Variants in KCNT2 observed in about 807,000 individuals in gnomAD.
KCNT2 encodes the protein potassium channel subfamily T member 2.
A neutral mutation model predicts 153.8 loss-of-function variants in KCNT2; 67 were observed. That is an observed-to-expected ratio of 0.44 (90% CI 0.36 to 0.53). KCNT2 has a LOEUF of 0.53. Ranked by LOEUF, KCNT2 falls within the 20% of genes least tolerant of loss-of-function variation. The pLI is 0.00. For missense variants in KCNT2, 975 were observed against 1,354.8 expected (o/e 0.72, Z 4.40); for synonymous variants, 500 against 458.8 (o/e 1.09, Z -1.15).
intron 1 of KCNT2, among the ~76,000 whole-genome samples, chr1:196,607,280 C>T (rs1264898150): frequency 6.6e-6 from 1 of 152,090 alleles, no homozygotes; most frequent in Non-Finnish European, 1.5e-5. Context: ...GAGTTGAGAA[C>T]CTAGTTAGTA....
chr1:196,525,433 G>A (rs974265053), intron 1 of KCNT2, among the ~76,000 whole-genome samples: 1 of 152,072 alleles, frequency 6.6e-6, no homozygotes, highest in Admixed American at 6.6e-5. Context: ...TTCTGCTACT[G>A]TTACTAAGTG....
At chr1:196,304,704 G>A (rs531834695) in intron 22 of KCNT2, among the ~76,000 whole-genome samples, 1 of 152,270 alleles carries the variant, frequency 6.6e-6, no homozygotes, top group South Asian at 2.1e-4. Context: ...CAATTCCATT[G>A]TCTCTATTAG....
chr1:196,380,972 G>T (rs1361507282), intron 13 of KCNT2, among the ~76,000 whole-genome samples: 1 of 152,090 alleles, frequency 6.6e-6, no homozygotes, highest in East Asian at 1.9e-4. Flanking sequence ...CCACTAAATG[G>T]CTAAGAATAG....
intron 8 of KCNT2, among the ~76,000 whole-genome samples, chr1:196,433,852 T>C (rs935549577): frequency 6.6e-6 from 1 of 151,992 alleles, no homozygotes; most frequent in Non-Finnish European, 1.5e-5. Context: ...TTATGAATGG[T>C]TAGGTAGCTG....
chr1:196,476,265 C>T (rs572264995), intron 5 of KCNT2, among the ~76,000 whole-genome samples: 20 of 152,068 alleles, frequency 1.3e-4, no homozygotes, highest in African/African-American at 3.4e-4. Context: ...AACACACATG[C>T]CTAAATTTTA....
intron 25 of KCNT2, among the ~76,000 whole-genome samples, chr1:196,275,945 T>C (rs984883753): frequency 3.3e-5 from 5 of 152,016 alleles, no homozygotes; most frequent in African/African-American, 9.7e-5. Flanking sequence ...GAAAATGTTA[T>C]AGCTGGTTTA....
chr1:196,454,720 T>C (rs1362648213), intron 8 of KCNT2, among the ~76,000 whole-genome samples: 2 of 152,020 alleles, frequency 1.3e-5, no homozygotes, highest in African/African-American at 4.8e-5. Context: ...TGTTGATTGC[T>C]GCAGGAAAAA....
chr1:196,311,667 CT>C (rs1662196205), intron 21 of KCNT2, among the ~76,000 whole-genome samples: 2 of 151,852 alleles, frequency 1.3e-5, no homozygotes, highest in South Asian at 2.1e-4. Context: ...TCCAGAGAGA[CT>C]TTTTTTCCCC....
intron 1 of KCNT2, among the ~76,000 whole-genome samples, chr1:196,546,100 C>G (rs1657057556): frequency 6.6e-6 from 1 of 152,014 alleles, no homozygotes; most frequent in African/African-American, 2.4e-5. Context: ...GATCACTTTC[C>G]AAAGCAGCTT....
intron 1 of KCNT2, among the ~76,000 whole-genome samples, chr1:196,562,375 G>T (rs1326302784): frequency 6.6e-6 from 1 of 151,908 alleles, no homozygotes; most frequent in Non-Finnish European, 1.5e-5. Flanking sequence ...AGGAGGGTAT[G>T]TTGAGGCATG....
At chr1:196,330,905 A>AT (rs1274818442) in intron 18 of KCNT2, among the ~76,000 whole-genome samples, 2 of 151,900 alleles carry the variant, frequency 1.3e-5, no homozygotes, top group African/African-American at 4.8e-5. Context: ...TTGGTACCTT[A>AT]TTTTTCTCTT....
chr1:196,429,335 T>A (rs2148541659), intron 9 of KCNT2, among the ~76,000 whole-genome samples: 1 of 152,080 alleles, frequency 6.6e-6, no homozygotes, highest in South Asian at 2.1e-4. Context: ...AAATCTTGAA[T>A]GATTGAAATA....
intron 21 of KCNT2, among the ~76,000 whole-genome samples, chr1:196,305,896 T>C (rs962854888): frequency 6.6e-6 from 1 of 152,116 alleles, no homozygotes; most frequent in African/African-American, 2.4e-5. Flanking sequence ...AAAGCATTGA[T>C]AGTGTTCCCC....
intron 13 of KCNT2, among the ~76,000 whole-genome samples, chr1:196,386,096 T>C (rs893883282): frequency 1.6e-4 from 25 of 151,956 alleles, no homozygotes; most frequent in African/African-American, 5.6e-4. Flanking sequence ...AGAGGAAAGG[T>C]CCACATGTAA....
At chr1:196,452,198 C>T (rs1676274844) in intron 8 of KCNT2, among the ~76,000 whole-genome samples, 1 of 151,958 alleles carries the variant, frequency 6.6e-6, no homozygotes, top group Admixed American at 6.6e-5. Context: ...GCACGTAAAG[C>T]TTTTCATGTT....
At chr1:196,556,920 C>T (rs528134081) in intron 1 of KCNT2, among the ~76,000 whole-genome samples, 6 of 151,126 alleles carry the variant, frequency 4.0e-5, no homozygotes, top group Admixed American at 1.3e-4. Context: ...TTTGTGGGAC[C>T]TGACAATCAA....
intron 13 of KCNT2, among the ~76,000 whole-genome samples, chr1:196,392,802 G>T: frequency 6.6e-6 from 1 of 151,326 alleles, no homozygotes; most frequent in South Asian, 2.1e-4. Context: ...TTTTTATAAT[G>T]GGAATCAAAC....
chr1:196,328,471 G>T (rs1430879868), intron 18 of KCNT2, among the ~76,000 whole-genome samples: 1 of 151,946 alleles, frequency 6.6e-6, no homozygotes, highest in Non-Finnish European at 1.5e-5. Context: ...AATATTGGCT[G>T]AGAGTTTTTG....
At position 196,428,217 on chromosome 1, in the gene KCNT2, T is replaced by C. The variant is rs762827266; in HGVS notation, c.872A>G (p.Tyr291Cys). 2 of 1,612,754 alleles carry C rather than the reference T, an allele frequency of 1.2e-6. No individual in the cohort carries two copies. The highest frequency in any genetic ancestry group is 1.7e-6 in the Non-Finnish European group (2 of 1,179,072). The part of the protein sequence containing the change: ...WMERQKSGGN[Y>C]SRHRAQTEKH... ...TTCAGTTTGAGCTCTATGTCGACTA[T>C]AGTTTCCTCCTGACTTTTGTCTCTC... is the stretch of plus-strand genomic sequence containing the variant. The change falls in exon 10 of 28, where the codon TAT (tyrosine) becomes TGT (cysteine). Residue 291 changes from tyrosine (Y) to cysteine (C), a missense_variant. Coordinates refer to ENST00000294725, the MANE Select transcript of KCNT2 (RefSeq NM_198503.5).
Sources: allele counts gnomAD v4.1 joint callset (sites outside exome capture counted in the v4.1 genomes callset), GRCh38; gene constraint gnomAD v4.1.1; transcripts MANE v1.5; gene names NCBI Gene and HGNC (gene_info 2026-07-23, HGNC 2026-07-21).